Variants in USH2A observed in about 807,000 individuals in gnomAD.
USH2A encodes the protein Usher syndrome 2A (autosomal recessive, mild).
In USH2A, 443 loss-of-function variants were observed where a neutral mutation model predicts 538.9. The observed-to-expected ratio is 0.82, with a 90% CI of 0.76 to 0.89. USH2A has a LOEUF of 0.89. Among genes scored for constraint, USH2A ranks in the 40% least tolerant of loss-of-function variants. The pLI, the probability that USH2A is intolerant of heterozygous loss-of-function variation, is 0.00. For missense variants in USH2A, 6,633 were observed against 6,324.8 expected (o/e 1.05, Z -1.65); for synonymous variants, 2,413 against 2,273.5 (o/e 1.06, Z -1.75).
chr1:216,261,418 C>A (rs1571633515), intron 11 of USH2A, among the ~76,000 whole-genome samples: 1 of 143,588 alleles, frequency 7.0e-6, no homozygotes, highest in Admixed American at 7.0e-5. Context: ...AGTTTGAGTC[C>A]AGCCTAGACA....
chr1:216,338,264 A>G (rs984124431), intron 4 of USH2A, among the ~76,000 whole-genome samples: 1 of 151,486 alleles, frequency 6.6e-6, no homozygotes, highest in African/African-American at 2.4e-5. Flanking sequence ...GCTTTTGGCA[A>G]GAAGTTAATC....
At chr1:215,964,053 T>C (rs1290670422) in intron 37 of USH2A, among the ~76,000 whole-genome samples, 1 of 152,152 alleles carries the variant, frequency 6.6e-6, no homozygotes, top group Non-Finnish European at 1.5e-5. Context: ...GTTTTGATGG[T>C]TTGAGAGACG....
intron 38 of USH2A, among the ~76,000 whole-genome samples, chr1:215,915,181 G>A (rs558791239): frequency 8.1e-4 from 124 of 152,186 alleles, no homozygotes; most frequent in Non-Finnish European, 1.5e-3. Flanking sequence ...TTGTGCTGCT[G>A]TTTGAATCTA....
At chr1:215,661,726 C>A (rs1054263047) in intron 64 of USH2A, among the ~76,000 whole-genome samples, 1 of 151,924 alleles carries the variant, frequency 6.6e-6, no homozygotes, top group African/African-American at 2.4e-5. Context: ...GAAATGGTGC[C>A]CCTTCATGTC....
chr1:215,964,748 C>T (rs978275113), intron 37 of USH2A, among the ~76,000 whole-genome samples: 1 of 152,084 alleles, frequency 6.6e-6, no homozygotes, highest in African/African-American at 2.4e-5. Flanking sequence ...ATCATGCTAC[C>T]ATAGCACCTA....
chr1:215,845,784 C>A (rs372993690), intron 45 of USH2A, 40 bp downstream of exon 45: 2 of 1,586,786 alleles, frequency 1.3e-6, no homozygotes, highest in Admixed American at 1.7e-5. Context: ...CAATTTCATT[C>A]GCATCTCTGA....
At chr1:216,170,834 T>C (rs768919725) in intron 21 of USH2A, among the ~76,000 whole-genome samples, 21 of 152,104 alleles carry the variant, frequency 1.4e-4, no homozygotes, top group Non-Finnish European at 2.2e-4. Context: ...AGCATGATTT[T>C]TTTTTCTCTC....
chr1:216,084,561 G>A, intron 25 of USH2A, 137 bp downstream of exon 25: 2 of 838,290 alleles, frequency 2.4e-6, no homozygotes, highest in Non-Finnish European at 3.7e-6. Context: ...ATATTTGTGT[G>A]CACCATTGGA....
chr1:216,026,497 C>G (rs146205620), intron 32 of USH2A, among the ~76,000 whole-genome samples: 2 of 152,214 alleles, frequency 1.3e-5, no homozygotes, highest in African/African-American at 4.8e-5. Context: ...TTCTGTGATA[C>G]AAACAGATTT....
At chr1:216,144,935 T>G (rs1014732642) in intron 21 of USH2A, among the ~76,000 whole-genome samples, 3 of 152,210 alleles carry the variant, frequency 2.0e-5, no homozygotes, top group Non-Finnish European at 2.9e-5. Context: ...ACCAGGACTT[T>G]GAGCAAAATA....
At chr1:216,102,668 C>T (rs2032617164) in intron 21 of USH2A, among the ~76,000 whole-genome samples, 1 of 151,910 alleles carries the variant, frequency 6.6e-6, no homozygotes, top group African/African-American at 2.4e-5. Context: ...GGCGTCGTGG[C>T]GGGCGCCTGT....
intron 4 of USH2A, among the ~76,000 whole-genome samples, chr1:216,348,329 A>G (rs1228910791): frequency 6.6e-6 from 1 of 152,184 alleles, no homozygotes; most frequent in African/African-American, 2.4e-5. Context: ...TGACTTATAA[A>G]GCCAATAAAA....
chr1:215,758,460 AT>A, intron 58 of USH2A, 134 bp downstream of exon 58: 14 of 1,094,376 alleles, frequency 1.3e-5, no homozygotes, highest in Non-Finnish European at 1.7e-5. Context: ...TGTGGTTTAG[AT>A]TTTTCTGTTC....
chr1:216,185,678 C>G (rs2034585217), intron 20 of USH2A, among the ~76,000 whole-genome samples: 1 of 151,896 alleles, frequency 6.6e-6, no homozygotes, highest in Admixed American at 6.6e-5. Context: ...GCAGGATGAA[C>G]AGTAAAGTTG....
intron 32 of USH2A, among the ~76,000 whole-genome samples, chr1:216,045,032 A>G (rs2030453040): frequency 6.6e-6 from 1 of 152,188 alleles, no homozygotes; most frequent in African/African-American, 2.4e-5. Context: ...ATGTGCCCCC[A>G]TGAAGCTGTG....
At chr1:216,291,690 T>G (rs1469398201) in intron 10 of USH2A, among the ~76,000 whole-genome samples, 2 of 152,230 alleles carry the variant, frequency 1.3e-5, no homozygotes, top group African/African-American at 4.8e-5. Flanking sequence ...AGAACAGGAC[T>G]TTGATTATCA....
chr1:216,090,362 T>C (rs1325510040), intron 22 of USH2A, among the ~76,000 whole-genome samples: 4 of 151,808 alleles, frequency 2.6e-5, no homozygotes, highest in African/African-American at 4.8e-5. Context: ...ACACATTTAA[T>C]TGGTTCCTGT....
intron 47 of USH2A, among the ~76,000 whole-genome samples, chr1:215,835,866 C>G (rs1663464844): frequency 6.6e-6 from 1 of 152,076 alleles, no homozygotes; most frequent in African/African-American, 2.4e-5. Context: ...GTTGCAATCT[C>G]TTTTCTGTTG....
rs368478102 is a variant in USH2A at position 216,339,439 on chromosome 1, A to G, written c.785-11785T>C. Among the ~76,000 whole-genome samples, 5 of 151,862 alleles carry G rather than the reference A, an allele frequency of 3.3e-5. No homozygotes were observed. The East Asian group carries it at 9.7e-4, about 29-fold the overall frequency. ...TGTATATTTTTCAATCTAATAATAA[A>G]AGTATAAGAACACACATGATAATGA... is the stretch of plus-strand genomic sequence containing the variant. On this transcript the variant is annotated intron_variant, in intron 4 of 71. Coordinates refer to ENST00000307340, the MANE Select transcript of USH2A (RefSeq NM_206933.4).
Sources: gnomAD v4.1 joint callset for allele counts (sites outside exome capture counted in the v4.1 genomes callset) on GRCh38, gnomAD v4.1.1 for gene constraint, MANE v1.5 for transcripts, NCBI Gene and HGNC (gene_info 2026-07-23, HGNC 2026-07-21) for gene names.